RAPGEF2: variants seen among roughly 807,000 people sequenced by gnomAD.
The protein encoded by RAPGEF2 is Rap guanine nucleotide exchange factor 2.
RAPGEF2 carries 54 observed loss-of-function variants against 186.7 expected under a neutral mutation model. The observed-to-expected ratio is 0.29, with a 90% confidence interval of 0.23 to 0.36. The LOEUF (loss-of-function observed/expected upper bound fraction) is 0.36, where lower values mean the gene tolerates loss of function less well. Ranked by LOEUF, RAPGEF2 falls within the 10% of genes least tolerant of loss-of-function variation. The pLI, the probability that RAPGEF2 is intolerant of heterozygous loss-of-function variation, is 1.00. For synonymous variants in RAPGEF2, 712 were observed against 705.9 expected (o/e 1.01, Z -0.14); for missense variants, 1,532 against 2,045.0 (o/e 0.75, Z 4.84).
intron 7 of RAPGEF2, among the ~76,000 whole-genome samples, chr4:159,269,329 G>A (rs1038161353): frequency 2.0e-5 from 3 of 152,102 alleles, no homozygotes; most frequent in African/African-American, 4.8e-5. Context: ...TTAAGGCAGC[G>A]GCTGTGTTGG....
chr4:159,204,836 T>G (rs1749804645), intron 3 of RAPGEF2, among the ~76,000 whole-genome samples: 1 of 152,154 alleles, frequency 6.6e-6, no homozygotes, highest in South Asian at 2.1e-4. Context: ...TTCCCCTGAT[T>G]AGAGAGACTC....
At chr4:159,297,432 G>A (rs1288207744) in intron 7 of RAPGEF2, among the ~76,000 whole-genome samples, 1 of 152,058 alleles carries the variant, frequency 6.6e-6, no homozygotes, top group Non-Finnish European at 1.5e-5. Context: ...ACACATAAAT[G>A]CACAAAACTA....
chr4:159,206,714 G>A (rs148730246), intron 3 of RAPGEF2, among the ~76,000 whole-genome samples: 200 of 152,266 alleles, frequency 1.3e-3, no homozygotes, highest in African/African-American at 4.3e-3. Flanking sequence ...GAGTAAGCGT[G>A]GTTAGTTCAG....
intron 1 of RAPGEF2, among the ~76,000 whole-genome samples, chr4:159,185,045 A>G (rs1401891679): frequency 6.6e-6 from 1 of 152,174 alleles, no homozygotes; most frequent in African/African-American, 2.4e-5. Context: ...TTATCCAAGA[A>G]GTTATATAAG....
chr4:159,310,644 T>A (rs747751639), intron 8 of RAPGEF2, among the ~76,000 whole-genome samples: 1 of 99,562 alleles, frequency 1.0e-5, no homozygotes, highest in East Asian at 2.2e-4. Flanking sequence ...TAAAAGAATA[T>A]CACTATTTAA....
At chr4:159,119,708 G>C (rs1384324087) in intron 1 of RAPGEF2, among the ~76,000 whole-genome samples, 1 of 152,066 alleles carries the variant, frequency 6.6e-6, no homozygotes, top group African/African-American at 2.4e-5. Context: ...TACAAATAGG[G>C]ATAAAAATAC....
chr4:159,265,501 G>A (rs1240964236), intron 7 of RAPGEF2, among the ~76,000 whole-genome samples: 1 of 152,192 alleles, frequency 6.6e-6, no homozygotes, highest in African/African-American at 2.4e-5. Flanking sequence ...GGCAAGAGCA[G>A]CCCCTGCAAC....
chr4:159,104,572 A>ATG (rs1737661171), intron 1 of RAPGEF2, among the ~76,000 whole-genome samples: 2 of 62,448 alleles, frequency 3.2e-5, no homozygotes, highest in Admixed American at 3.2e-4. Context: ...GTGTGTGTGT[A>ATG]TGTGTGTGAA....
At chr4:159,233,669 G>A (rs1414466915) in intron 4 of RAPGEF2, among the ~76,000 whole-genome samples, 4 of 152,158 alleles carry the variant, frequency 2.6e-5, no homozygotes, top group African/African-American at 9.6e-5. Flanking sequence ...ATTGTGTGCA[G>A]CGTATACTGC....
chr4:159,116,726 G>A (rs774826274), intron 1 of RAPGEF2, among the ~76,000 whole-genome samples: 2 of 152,164 alleles, frequency 1.3e-5, no homozygotes, highest in Non-Finnish European at 1.5e-5. Flanking sequence ...ATACTCTGTA[G>A]GCTGTGAGAT....
At chr4:159,111,172 G>A (rs1738453245) in intron 1 of RAPGEF2, among the ~76,000 whole-genome samples, 1 of 152,156 alleles carries the variant, frequency 6.6e-6, no homozygotes, top group Admixed American at 6.5e-5. Context: ...TGGGTTTATT[G>A]GTTTTTGTGG....
At chr4:159,112,972 GTAT>G (rs1293896909) in intron 1 of RAPGEF2, among the ~76,000 whole-genome samples, 1 of 152,184 alleles carries the variant, frequency 6.6e-6, no homozygotes, top group Non-Finnish European at 1.5e-5. Context: ...CTGATATAAT[GTAT>G]TGAGAAAGAG....
rs1232537494 is a variant in RAPGEF2, at chr4:159,210,388, ATTC to A, written c.198-109_198-107del. 7 of 645,390 alleles carry A rather than the reference ATTC, an allele frequency of 1.1e-5. No individual in the cohort carries two copies. The African/African-American group carries it at 1.1e-4, about 10-fold the overall frequency. 40.0% of individuals were successfully genotyped at this position (645,390 alleles called of 1,614,324 possible). Reference sequence around the variant, plus strand: ...TATTTTTATGAATGTGTTGTATGCTATTCTTTATTATTTTAAAAGTAATATGGG... The same window carrying A: ...TATTTTTATGAATGTGTTGTATGCTATTTATTATTTTAAAAGTAATATGGG... On this transcript the variant is annotated intron_variant, in intron 3 of 29. Coordinates refer to ENST00000691494, the MANE Select transcript of RAPGEF2 (RefSeq NM_001394067.2).
intron 25 of RAPGEF2, among the ~76,000 whole-genome samples, chr4:159,347,773 C>T (rs1407240178): frequency 6.6e-6 from 1 of 152,162 alleles, no homozygotes; most frequent in Admixed American, 6.6e-5. Context: ...GGCGAAAGAG[C>T]GAGACTGTCT....
chr4:159,239,148 C>T (rs758671296), intron 5 of RAPGEF2, among the ~76,000 whole-genome samples: 25 of 152,086 alleles, frequency 1.6e-4, no homozygotes, highest in Non-Finnish European at 3.2e-4. Context: ...CTTTGTAATT[C>T]AATCTATAAT....
chr4:159,186,102 C>T (rs1479860875), intron 1 of RAPGEF2, among the ~76,000 whole-genome samples: 1 of 151,200 alleles, frequency 6.6e-6, no homozygotes, highest in Non-Finnish European at 1.5e-5. Flanking sequence ...GCAATGTGAT[C>T]TGGTAAAACA....
chr4:159,198,271 C>CTTCTTTCCTTCTTTCT (rs1748927353), intron 3 of RAPGEF2, among the ~76,000 whole-genome samples: 1 of 104,486 alleles, frequency 9.6e-6, no homozygotes, highest in Non-Finnish European at 1.8e-5. Flanking sequence ...TCTTTCTTTC[C>CTTCTTTCCTTCTTTCT]TTCTTTCTTT....
intron 29 of RAPGEF2, among the ~76,000 whole-genome samples, chr4:159,357,814 T>A (rs1038293554): frequency 1.3e-5 from 2 of 152,264 alleles, no homozygotes; most frequent in African/African-American, 2.4e-5. Flanking sequence ...ATATTTTTTT[T>A]AAATGGCACA....
chr4:159,150,418 A>G (rs1445368001), intron 1 of RAPGEF2, among the ~76,000 whole-genome samples: 1 of 152,180 alleles, frequency 6.6e-6, no homozygotes, highest in Non-Finnish European at 1.5e-5. Context: ...GCTTGAACGA[A>G]GTGTATCGAA....
Sources: allele counts gnomAD v4.1 joint callset (sites outside exome capture counted in the v4.1 genomes callset), GRCh38; gene constraint gnomAD v4.1.1; transcripts MANE v1.5; gene names NCBI Gene and HGNC (gene_info 2026-07-23, HGNC 2026-07-21).